Variants in MLH3 observed in about 807,000 individuals in gnomAD.
MLH3 encodes the protein DNA mismatch repair protein Mlh3.
Under a neutral mutation model 122.2 loss-of-function variants are expected in MLH3, and 82 were observed. That is an observed-to-expected ratio of 0.67 (90% CI 0.56 to 0.81). MLH3 has a LOEUF of 0.81. MLH3 is among the 30% of genes least tolerant of loss of function. The pLI is 0.00. For missense variants in MLH3, 1,539 were observed against 1,714.5 expected (o/e 0.90, Z 1.81); for synonymous variants, 524 against 599.5 (o/e 0.87, Z 1.84).
chr14:75,030,004 A>C (rs1252404261), intron 9 of MLH3, among the ~76,000 whole-genome samples: 1 of 151,268 alleles, frequency 6.6e-6, no homozygotes, highest in Non-Finnish European at 1.5e-5. Context: ...AAAGGAAAAA[A>C]TTAGCCAGGC....
intron 6 of MLH3, among the ~76,000 whole-genome samples, chr14:75,034,735 A>T (rs1891276325): frequency 6.6e-6 from 1 of 152,090 alleles, no homozygotes; most frequent in African/African-American, 2.4e-5. Flanking sequence ...GGCTTCTCAA[A>T]CGTTCATATC....
At chr14:75,018,121 C>T (rs1045996053) in intron 12 of MLH3, among the ~76,000 whole-genome samples, 30 of 151,212 alleles carry the variant, frequency 2.0e-4, no homozygotes, top group East Asian at 1.8e-3. Context: ...CTCCAGCCTG[C>T]GCAACAACAG....
Position 75,046,894 on chromosome 14 carries a change from A to G in MLH3, c.2762T>C (p.Met921Thr), listed in dbSNP as rs1595084092. Residue 921 changes from methionine to threonine, a missense_variant, in exon 2 of 13, where the codon ATG becomes ACG. Transcript: ENST00000355774. ...LCSVLTQDFC[M>T]LFNNKHEKTE... ...TTTTTCATGCTTGTTGTTAAATAAC[A>G]TACAAAAATCTTGTGTTAACACACT... 6.2e-7 allele frequency: 1 copy of G among 1,614,092 alleles called. No individual in the cohort carries two copies. Among genetic ancestry groups the G allele is most frequent in the African/African-American group, 1.3e-5 (1 of 75,064 alleles).
chr14:75,016,915 G>T lies in MLH3; in HGVS notation c.*167C>A. 2.7e-6 allele frequency: 2 copies of T among 739,040 alleles called. No homozygotes were observed. The highest frequency in any genetic ancestry group is 2.4e-6 in the Non-Finnish European group (1 of 421,296). The allele number at this position is 739,040 out of a possible 1,614,324, so 45.8% of individuals were successfully genotyped here. A position where few individuals can be genotyped will look rare whatever the true frequency, so the allele number is the denominator to read the frequency against. On this transcript the variant is annotated 3_prime_UTR_variant, in exon 13 of 13. Coordinates refer to ENST00000355774, the MANE Select transcript of MLH3 (RefSeq NM_001040108.2). ...ATTTCATCTGGCTACTCAACTAGGG[G>T]AATCATCTGCTCAAGAAAGACTGAT...
At chr14:75,030,506 C>G in intron 9 of MLH3, 37 bp downstream of exon 9, 1 of 1,602,872 alleles carries the variant, frequency 6.2e-7, no homozygotes, top group African/African-American at 1.3e-5. Context: ...GTTACCATCA[C>G]TCAGCAATTT....
chr14:75,017,075 T>C lies in MLH3; in HGVS notation c.*7A>G, dbSNP rs200989192. 2 of 1,613,576 alleles carry C rather than the reference T, an allele frequency of 1.2e-6. No individual in the cohort carries two copies. Among genetic ancestry groups the C allele is most frequent in the Non-Finnish European group, 1.7e-6 (2 of 1,179,726 alleles). ...CCTTTGTTCCTTTTAGACCAGTGATTCTGTTCTCATGGTGGCTCACAGGGA... is the reference window on the plus strand; with the variant it reads ...CCTTTGTTCCTTTTAGACCAGTGATCCTGTTCTCATGGTGGCTCACAGGGA... On this transcript the variant is annotated 3_prime_UTR_variant, in exon 13 of 13. Coordinates refer to ENST00000355774, the MANE Select transcript of MLH3 (RefSeq NM_001040108.2).
At chr14:75,025,040 T>C (rs1290470820) in intron 9 of MLH3, among the ~76,000 whole-genome samples, 1 of 152,222 alleles carries the variant, frequency 6.6e-6, no homozygotes, top group East Asian at 1.9e-4. Context: ...AAAGCCAAGA[T>C]GACCCAAGAG....
intron 9 of MLH3, among the ~76,000 whole-genome samples, chr14:75,028,610 G>T (rs992874080): frequency 1.3e-5 from 2 of 151,234 alleles, no homozygotes; most frequent in African/African-American, 4.9e-5. Flanking sequence ...TAGAGACGGG[G>T]TCTCATCATG....
intron 11 of MLH3, among the ~76,000 whole-genome samples, chr14:75,021,083 G>A (rs992863736): frequency 6.6e-6 from 1 of 152,186 alleles, no homozygotes. Context: ...CACCATGTTG[G>A]CCAGGCTGGT....
chr14:75,015,600 TTCTAAGGTCATGTCTTCCCA>T lies in MLH3; in HGVS notation c.*1462_*1481del. ...GCAAATCCTCTGAAAACTCTCTCCT[TTCTAAGGTCATGTCTTCCCA>T]TCTATAAAACATCCGTTTATATGTA... On this transcript the variant is annotated 3_prime_UTR_variant, in exon 13 of 13. Transcript: ENST00000355774. 5.4e-6 allele frequency: 1 copy of T among 185,752 alleles called. No individual in the cohort carries two copies. The allele number at this position is 185,752 out of a possible 1,614,324, so 11.5% of individuals were successfully genotyped here.
At position 75,048,984 on chromosome 14, in the gene MLH3, T is replaced by C. The variant is rs1566609390; in HGVS notation, c.672A>G (p.Arg224=). 1 of 1,613,980 alleles carries C rather than the reference T, an allele frequency of 6.2e-7. No individual in the cohort carries two copies. The highest frequency in any genetic ancestry group is 8.5e-7 in the Non-Finnish European group (1 of 1,179,946). The part of the protein sequence containing the change: ...IYGLGKSQKL[R]EISFKYKEFE... ...ACTCTTTATATTTAAAACTTATTTC[T>C]CTTAGCTTTTGGGACTTTCCCAATC... Residue 224 remains arginine (R), a synonymous_variant, in exon 2 of 13, where the codon AGA becomes AGG. Coordinates refer to ENST00000355774, the MANE Select transcript of MLH3 (RefSeq NM_001040108.2).
At chr14:75,023,913 T>C (rs772485129) in intron 9 of MLH3, among the ~76,000 whole-genome samples, 16 of 152,198 alleles carry the variant, frequency 1.1e-4, no homozygotes, top group Non-Finnish European at 2.1e-4. Context: ...GGCACAGTTA[T>C]CAAGAGCTAG....
Position 75,017,164 on chromosome 14 carries a change from T to C in MLH3, c.4280A>G (p.Gln1427Arg). ...TGCTTTTCCAAAGAGACGCCAGGCC[T>C]GGGCCATTTTGCGAAGTTTAGTGAG... is the stretch of plus-strand genomic sequence containing the variant. ...PNLTKLRKMA[Q>R]AWRLFGKAEC... The change falls in exon 13 of 13, where the codon CAG becomes CGG. Residue 1427 changes from glutamine (Q) to arginine (R), a missense_variant. Coordinates refer to ENST00000355774, the MANE Select transcript of MLH3 (RefSeq NM_001040108.2). The C allele has an allele frequency of 6.2e-7, 1 of 1,614,086 alleles. No individual in the cohort carries two copies. The highest frequency in any genetic ancestry group is 8.5e-7 in the Non-Finnish European group (1 of 1,179,966).
At position 75,046,626 on chromosome 14, in the gene MLH3, T is replaced by G; in HGVS notation, c.3030A>C (p.Glu1010Asp). Reference protein sequence around the residue: ...SPSGMLMNPVEDATGDQNGIC... With the variant: ...SPSGMLMNPVDDATGDQNGIC... ...TTCCATTTTGGTCACCTGTGGCATC[T>G]TCTACCGGATTCATTAACATTCCAC... The change falls in exon 2 of 13, where the codon GAA (glutamate) becomes GAC (aspartate). Residue 1010 changes from glutamate to aspartate, a missense_variant. Transcript: ENST00000355774. The G allele has an allele frequency of 6.2e-7, 1 of 1,614,242 alleles. No homozygotes were observed. Among genetic ancestry groups the G allele is most frequent in the East Asian group, 2.2e-5 (1 of 44,890 alleles).
rs770207163 is a variant in MLH3 at position 75,046,587 on chromosome 14, A to G, written c.3069T>C (p.Ser1023=). 1.2e-6 allele frequency: 2 copies of G among 1,614,098 alleles called. No homozygotes were observed. Among genetic ancestry groups the G allele is most frequent in the East Asian group, 4.5e-5 (2 of 44,876 alleles). Residue 1023 remains serine (S), a synonymous_variant, in exon 2 of 13, where the codon AGT becomes AGC. Transcript: ENST00000355774. Reference sequence around the variant, plus strand: ...AACAAGCTCTTGCTTTAGATTCCTCACTCTGAAAACAAATTCCATTTTGGT... The same window carrying G: ...AACAAGCTCTTGCTTTAGATTCCTCGCTCTGAAAACAAATTCCATTTTGGT... ...TGDQNGICFQ[S]EESKARACSE... is the part of the protein sequence containing the mutation.
Position 75,048,280 on chromosome 14 carries a change from T to C in MLH3, c.1376A>G (p.Gln459Arg), listed in dbSNP as rs1892407323. 3 of 1,614,094 alleles carry C rather than the reference T, an allele frequency of 1.9e-6. No individual in the cohort carries two copies. Among genetic ancestry groups the C allele is most frequent in the Non-Finnish European group, 2.5e-6 (3 of 1,180,022 alleles). ...TTCTGAGCAAGAGCTGTCTTTGTTT[T>C]GTAAAGATGGCTCTGTCATTTTGCT... ...GHSKMTEPSL[Q>R]NKDSSCSESK... Residue 459 changes from glutamine to arginine, a missense_variant, in exon 2 of 13, where the codon CAA becomes CGA. Physicochemically the swap from Gln to Arg is conservative, Grantham distance 43. Transcript: ENST00000355774.
chr14:75,034,841 A>G (rs1171223130), intron 6 of MLH3, among the ~76,000 whole-genome samples: 2 of 152,064 alleles, frequency 1.3e-5, no homozygotes, highest in Non-Finnish European at 2.9e-5. Context: ...AGGAGGGCAG[A>G]TCACTTGAGG....
chr14:75,016,911 A>T lies in MLH3; in HGVS notation c.*171T>A. ...TTGAATTTCATCTGGCTACTCAACT[A>T]GGGGAATCATCTGCTCAAGAAAGAC... On this transcript the variant is annotated 3_prime_UTR_variant, in exon 13 of 13. Transcript: ENST00000355774. 1 of 720,944 alleles carries T rather than the reference A, an allele frequency of 1.4e-6. No individual in the cohort carries two copies. Among genetic ancestry groups the T allele is most frequent in the Non-Finnish European group, 2.4e-6 (1 of 408,702 alleles). The allele number at this position is 720,944 out of a possible 1,614,324, so 44.7% of individuals were successfully genotyped here.
intron 2 of MLH3, among the ~76,000 whole-genome samples, chr14:75,043,075 T>C (rs777343216): frequency 6.6e-6 from 1 of 152,046 alleles, no homozygotes; most frequent in East Asian, 1.9e-4. Flanking sequence ...TGTGCCCGGC[T>C]TGAGACACTT....
Sources: allele counts gnomAD v4.1 joint callset (sites outside exome capture counted in the v4.1 genomes callset), GRCh38; gene constraint gnomAD v4.1.1; transcripts MANE v1.5; gene names NCBI Gene and HGNC (gene_info 2026-07-23, HGNC 2026-07-21).